Variants in ERBB4 observed in about 807,000 individuals in gnomAD.
The protein encoded by ERBB4 is erb-b2 receptor tyrosine kinase 4.
ERBB4 carries 42 observed loss-of-function variants against 158.0 expected under a neutral mutation model. The ratio of observed to expected loss-of-function variants is 0.27; its 90% CI spans 0.21 to 0.34. ERBB4 has a LOEUF of 0.34. ERBB4 is among the 10% of genes least tolerant of loss of function. The pLI, the probability that ERBB4 is intolerant of heterozygous loss-of-function variation, is 1.00. For synonymous variants in ERBB4, 583 were observed against 558.7 expected (o/e 1.04, Z -0.61); for missense variants, 1,333 against 1,624.1 (o/e 0.82, Z 3.08).
At chr2:212,505,424 A>G (rs184030229) in intron 1 of ERBB4, among the ~76,000 whole-genome samples, 1 of 149,740 alleles carries the variant, frequency 6.7e-6, no homozygotes, top group Non-Finnish European at 1.5e-5. Context: ...GAGAGTGAGT[A>G]TTAAACATCA....
intron 2 of ERBB4, among the ~76,000 whole-genome samples, chr2:212,092,615 G>A (rs915392221): frequency 7.9e-5 from 12 of 152,038 alleles, no homozygotes; most frequent in African/African-American, 2.9e-4. Context: ...CACCAATCTG[G>A]TCTTCTTCCT....
intron 25 of ERBB4, among the ~76,000 whole-genome samples, chr2:211,398,231 C>T (rs1403570477): frequency 6.6e-5 from 10 of 152,132 alleles, no homozygotes; most frequent in Admixed American, 5.2e-4. Flanking sequence ...AAGGTCTACC[C>T]TTTCAAACCT....
chr2:211,491,005 G>C (rs1214321956), intron 20 of ERBB4, among the ~76,000 whole-genome samples: 2 of 152,036 alleles, frequency 1.3e-5, no homozygotes, highest in African/African-American at 4.8e-5. Context: ...ATATTCACCA[G>C]AGACCCTGCT....
chr2:211,824,488 G>A (rs1409259578), intron 3 of ERBB4, among the ~76,000 whole-genome samples: 3 of 151,930 alleles, frequency 2.0e-5, no homozygotes, highest in Admixed American at 2.0e-4. Context: ...AATGTGATCT[G>A]TCCTGCAACC....
intron 1 of ERBB4, among the ~76,000 whole-genome samples, chr2:212,403,840 T>A (rs1257490836): frequency 2.0e-5 from 3 of 152,040 alleles, no homozygotes; most frequent in Non-Finnish European, 2.9e-5. Context: ...CTCTTGAGGA[T>A]ACATCTCATG....
In ERBB4 at chr2:211,562,769, CTTTTTT is replaced by C. The variant is rs367801279; in HGVS notation, c.2302-687_2302-682del. ...GACTATAAAAATTTGACTACTCCAA[CTTTTTT>C]TTTTTTTTTTTTTTGAGACGGAGTC... On this transcript the variant is annotated intron_variant, in intron 19 of 27. Coordinates refer to ENST00000342788, the MANE Select transcript of ERBB4 (RefSeq NM_005235.3). Among the ~76,000 whole-genome samples the C allele has an allele frequency of 4.2e-4, 53 of 125,706 alleles. No homozygotes were observed. The East Asian group carries it at 5.1e-3, about 12-fold the overall frequency. 82.5% of individuals were successfully genotyped at this position (125,706 alleles called of 152,430 possible).
At chr2:212,204,654 G>A (rs1289882742) in intron 1 of ERBB4, among the ~76,000 whole-genome samples, 1 of 149,968 alleles carries the variant, frequency 6.7e-6, no homozygotes, top group Non-Finnish European at 1.5e-5. Context: ...TTGAGATTGT[G>A]CCATTGCACT....
intron 3 of ERBB4, among the ~76,000 whole-genome samples, chr2:211,793,067 C>T (rs62184481): frequency 0.21 from 31,292 of 151,670 alleles, 3,777 homozygotes; most frequent in Non-Finnish European, 0.28. Flanking sequence ...TAATATGACC[C>T]CTTTACTAGG....
At chr2:211,754,105 CTGCCTCGGCCTCCCAAAG>C (rs1002321786) in intron 4 of ERBB4, among the ~76,000 whole-genome samples, 1 of 152,070 alleles carries the variant, frequency 6.6e-6, no homozygotes, top group African/African-American at 2.4e-5. Context: ...CGTGATCTGC[CTGCCTCGGCCTCCCAAAG>C]TGCTGGGATT....
At chr2:212,235,651 G>A (rs184674194) in intron 1 of ERBB4, among the ~76,000 whole-genome samples, 5 of 152,272 alleles carry the variant, frequency 3.3e-5, no homozygotes, top group South Asian at 2.1e-4. Context: ...TCCTTAAACA[G>A]TGGTTTGTAG....
chr2:212,510,305 C>A (rs1013287590), intron 1 of ERBB4, among the ~76,000 whole-genome samples: 12 of 148,268 alleles, frequency 8.1e-5, no homozygotes, highest in Non-Finnish European at 3.0e-5. Context: ...ATAAATAAAA[C>A]AAGTGTACAG....
At chr2:211,599,478 CTT>C (rs1444565263) in intron 19 of ERBB4, among the ~76,000 whole-genome samples, 3 of 73,400 alleles carry the variant, frequency 4.1e-5, no homozygotes, top group African/African-American at 1.2e-4. Flanking sequence ...AGAAGATACT[CTT>C]TGAGCTAACA....
chr2:211,621,962 T>A (rs1464215443), intron 18 of ERBB4, among the ~76,000 whole-genome samples: 1 of 152,162 alleles, frequency 6.6e-6, no homozygotes. Context: ...TAGCATTTAC[T>A]AGATAATTCA....
intron 1 of ERBB4, among the ~76,000 whole-genome samples, chr2:212,300,800 G>A (rs574299830): frequency 2.6e-5 from 4 of 151,516 alleles, no homozygotes; most frequent in South Asian, 2.1e-4. Flanking sequence ...TGACTCTTGC[G>A]TAAACGTATC....
chr2:211,988,980 T>C (rs1328911790), intron 2 of ERBB4, among the ~76,000 whole-genome samples: 2 of 152,092 alleles, frequency 1.3e-5, no homozygotes, highest in Non-Finnish European at 2.9e-5. Context: ...TTCTCTTCTT[T>C]AACAGAAACT....
intron 1 of ERBB4, among the ~76,000 whole-genome samples, chr2:212,254,666 A>G (rs2084659875): frequency 6.6e-6 from 1 of 152,182 alleles, no homozygotes; most frequent in Non-Finnish European, 1.5e-5. Context: ...AGGAAAAAAG[A>G]CAGCATGCCA....
At chr2:211,872,694 T>C (rs937234248) in intron 3 of ERBB4, among the ~76,000 whole-genome samples, 2 of 152,154 alleles carry the variant, frequency 1.3e-5, no homozygotes, top group Admixed American at 1.3e-4. Context: ...AAATAATTGT[T>C]GTGCATTTAT....
chr2:211,603,006 A>G (rs986377448), intron 19 of ERBB4, among the ~76,000 whole-genome samples: 34 of 152,052 alleles, frequency 2.2e-4, no homozygotes, highest in Admixed American at 2.2e-3. Flanking sequence ...AGGTGGGCGG[A>G]TCACTAGGTC....
chr2:211,602,212 A>C (rs1328909360), intron 19 of ERBB4, among the ~76,000 whole-genome samples: 2 of 152,012 alleles, frequency 1.3e-5, no homozygotes, highest in African/African-American at 2.4e-5. Flanking sequence ...TCCGACCTTA[A>C]AGTCTTGGCC....
Sources: gnomAD v4.1 joint callset for allele counts (sites outside exome capture counted in the v4.1 genomes callset) on GRCh38, gnomAD v4.1.1 for gene constraint, MANE v1.5 for transcripts, NCBI Gene and HGNC (gene_info 2026-07-23, HGNC 2026-07-21) for gene names.